ALK: variants seen among roughly 807,000 people sequenced by gnomAD.
ALK encodes ALK receptor tyrosine kinase, also known as ALK tyrosine kinase receptor.
Under a neutral mutation model 163.1 loss-of-function variants are expected in ALK, and 74 were observed. The ratio of observed to expected loss-of-function variants is 0.45; its 90% CI spans 0.38 to 0.55. ALK has a LOEUF of 0.55. Ranked by LOEUF, ALK falls within the 20% of genes least tolerant of loss-of-function variation. ALK has a pLI of 0.00. For missense variants in ALK, 2,063 were observed against 2,105.3 expected, an observed-to-expected ratio of 0.98 and a Z score of 0.39; for synonymous variants, 960 against 843.2, an observed-to-expected ratio of 1.14 and a Z score of -2.40.
In ALK at chr2:29,905,600, AAAGAAGGAAGG is replaced by A. The variant is rs1306747684; in HGVS notation, c.667+14382_667+14392del. Among the ~76,000 whole-genome samples, 15 of 151,628 alleles carry A rather than the reference AAAGAAGGAAGG, an allele frequency of 9.9e-5. No homozygotes were observed. The South Asian group carries it at 1.3e-3, about 13-fold the overall frequency. On this transcript the variant is annotated intron_variant, in intron 1 of 28. Transcript: ENST00000389048. The stretch of plus-strand genomic sequence containing the variant: ...GGAAGGGGCAAGGAAAGAAGGAAGG[AAAGAAGGAAGG>A]GAGGAAGGAAGGAAGGAAGGGAGGG...
At chr2:29,499,946 C>T (rs181244696) in intron 4 of ALK, among the ~76,000 whole-genome samples, 174 of 152,282 alleles carry the variant, frequency 1.1e-3, no homozygotes, top group African/African-American at 3.9e-3. Context: ...CACTTGTCCC[C>T]ATCTCATCAC....
chr2:29,734,064 A>G (rs1558464705), intron 1 of ALK, among the ~76,000 whole-genome samples: 1 of 152,180 alleles, frequency 6.6e-6, no homozygotes, highest in Non-Finnish European at 1.5e-5. Context: ...GAACTGAGGC[A>G]TGGAAAAACA....
At chr2:29,814,664 A>G (rs1404731748) in intron 1 of ALK, among the ~76,000 whole-genome samples, 2 of 151,496 alleles carry the variant, frequency 1.3e-5, no homozygotes, top group Non-Finnish European at 2.9e-5. Flanking sequence ...CCTCTCCAAA[A>G]AAAGAAAAAA....
chr2:29,901,066 C>T lies in ALK; in HGVS notation c.667+18927G>A, dbSNP rs1667404993. Among the ~76,000 whole-genome samples the T allele has an allele frequency of 2.0e-5, 3 of 152,022 alleles. No individual in the cohort carries two copies. The South Asian group carries it at 6.2e-4, about 32-fold the overall frequency. ...TCATAGCAGGGGTGAGAAGAAAGCA[C>T]AGATTTGGAACGAGGAGGGGATCCT... On this transcript the variant is annotated intron_variant, in intron 1 of 28. Coordinates refer to ENST00000389048, the MANE Select transcript of ALK (RefSeq NM_004304.5).
At chr2:29,869,974 A>G (rs1034697404) in intron 1 of ALK, among the ~76,000 whole-genome samples, 1 of 152,204 alleles carries the variant, frequency 6.6e-6, no homozygotes, top group Admixed American at 6.5e-5. Context: ...TCAAATTAAA[A>G]TAATAATGAG....
At chr2:29,537,845 C>T (rs544974856) in intron 3 of ALK, among the ~76,000 whole-genome samples, 2 of 152,372 alleles carry the variant, frequency 1.3e-5, no homozygotes, top group South Asian at 4.1e-4. Context: ...CTACCCGTTG[C>T]AGCAGCGTGC....
At chr2:29,484,090 A>T (rs1427640834) in intron 4 of ALK, among the ~76,000 whole-genome samples, 1 of 152,144 alleles carries the variant, frequency 6.6e-6, no homozygotes, top group Non-Finnish European at 1.5e-5. Flanking sequence ...CAGCATGAAA[A>T]AAACCACACC....
At chr2:29,282,615 C>T (rs1665744080) in intron 9 of ALK, among the ~76,000 whole-genome samples, 1 of 152,156 alleles carries the variant, frequency 6.6e-6, no homozygotes, top group Admixed American at 6.5e-5. Context: ...TTGGTTTCCC[C>T]TCTAGGCATA....
At chr2:29,766,357 A>G (rs973752583) in intron 1 of ALK, among the ~76,000 whole-genome samples, 9 of 152,158 alleles carry the variant, frequency 5.9e-5, no homozygotes, top group African/African-American at 2.2e-4. Context: ...CAAGCCTGGC[A>G]TTTATTCTTA....
intron 5 of ALK, among the ~76,000 whole-genome samples, chr2:29,342,913 C>CTGTGATATGGCTGTGT (rs1667837751): frequency 8.1e-6 from 1 of 123,830 alleles, no homozygotes; most frequent in African/African-American, 3.0e-5. Flanking sequence ...TATGGAGTCT[C>CTGTGATATGGCTGTGT]GCTCTGTTGC....
chr2:29,320,612 T>C (rs1667002546), intron 7 of ALK, 139 bp downstream of exon 7: 2 of 1,172,830 alleles, frequency 1.7e-6, no homozygotes, highest in Non-Finnish European at 2.6e-6. Context: ...GAGGGAATTG[T>C]GTGTGAACGC....
At chr2:29,196,736 A>C in intron 28 of ALK, 34 bp downstream of exon 28, 1 of 1,478,324 alleles carries the variant, frequency 6.8e-7, no homozygotes, top group Non-Finnish European at 9.5e-7. Flanking sequence ...TTTCATATAG[A>C]GTAAATGTTG....
chr2:29,830,518 T>G (rs973415695), intron 1 of ALK, among the ~76,000 whole-genome samples: 2 of 151,886 alleles, frequency 1.3e-5, no homozygotes, highest in African/African-American at 4.8e-5. Context: ...GCTAAGACCC[T>G]TGCTATTCAC....
rs2148443138 is a variant in ALK, at chr2:29,920,165, C to T, written c.495G>A (p.Leu165=). The part of the protein sequence containing the change: ...VGPPGEAAVG[L]LQFNLSELFS... Reference sequence around the variant, plus strand: ...ACAGCTCGCTGAGATTGAACTGGAGCAGCCCCACAGCCGCCTCCCCGGGGG... The same window carrying T: ...ACAGCTCGCTGAGATTGAACTGGAGTAGCCCCACAGCCGCCTCCCCGGGGG... Residue 165 remains leucine, a synonymous_variant, in exon 1 of 29, where the codon CTG becomes CTA. Coordinates refer to ENST00000389048, the MANE Select transcript of ALK (RefSeq NM_004304.5). The T allele has an allele frequency of 6.2e-7, 1 of 1,613,508 alleles. No homozygotes were observed. The highest frequency in any genetic ancestry group is 1.1e-5 in the South Asian group (1 of 91,088).
intron 4 of ALK, among the ~76,000 whole-genome samples, chr2:29,450,033 A>G (rs1258533317): frequency 6.6e-6 from 1 of 152,188 alleles, no homozygotes; most frequent in Non-Finnish European, 1.5e-5. Flanking sequence ...AGTGGATAAT[A>G]GCAAGCAAAA....
chr2:29,225,028 A>C (rs528026858), intron 19 of ALK, among the ~76,000 whole-genome samples: 1 of 152,236 alleles, frequency 6.6e-6, no homozygotes, highest in Admixed American at 6.5e-5. Context: ...CGATTTTCCT[A>C]TCTCTCTGCC....
chr2:29,844,213 G>T (rs1337786017), intron 1 of ALK, among the ~76,000 whole-genome samples: 2 of 152,150 alleles, frequency 1.3e-5, no homozygotes, highest in Non-Finnish European at 2.9e-5. Flanking sequence ...AGAAAACAAC[G>T]CATGCATATG....
At chr2:29,803,702 T>G (rs1023843611) in intron 1 of ALK, among the ~76,000 whole-genome samples, 1 of 152,218 alleles carries the variant, frequency 6.6e-6, no homozygotes, top group Non-Finnish European at 1.5e-5. Context: ...GAATAAACAT[T>G]GTCTCGGCTT....
intron 5 of ALK, among the ~76,000 whole-genome samples, chr2:29,363,544 C>A (rs931306498): frequency 6.6e-6 from 1 of 152,212 alleles, no homozygotes; most frequent in Non-Finnish European, 1.5e-5. Flanking sequence ...TGGAGTACCA[C>A]CACTTCTGGA....
Sources: allele counts gnomAD v4.1 joint callset (sites outside exome capture counted in the v4.1 genomes callset), GRCh38; gene constraint gnomAD v4.1.1; transcripts MANE v1.5; gene names NCBI Gene and HGNC (gene_info 2026-07-23, HGNC 2026-07-21).